USH2A: variants seen among roughly 807,000 people sequenced by gnomAD.
USH2A encodes Usher syndrome 2A (autosomal recessive, mild).
Under a neutral mutation model 538.9 loss-of-function variants are expected in USH2A, and 443 were observed. That is an observed-to-expected ratio of 0.82 (90% confidence interval 0.76 to 0.89). USH2A has a LOEUF of 0.89. Among genes scored for constraint, USH2A ranks in the 40% least tolerant of loss-of-function variants. The probability of loss-of-function intolerance (pLI) is 0.00; values close to 1 mark genes in which losing one functional copy is unlikely to be tolerated. For synonymous variants in USH2A, 2,413 were observed against 2,273.5 expected, an observed-to-expected ratio of 1.06 and a Z score of -1.75; for missense variants, 6,633 against 6,324.8, an observed-to-expected ratio of 1.05 and a Z score of -1.65.
At chr1:216,332,716 A>G (rs1435772487) in intron 4 of USH2A, among the ~76,000 whole-genome samples, 2 of 152,122 alleles carry the variant, frequency 1.3e-5, no homozygotes, top group Non-Finnish European at 2.9e-5. Context: ...TCATTGCCTG[A>G]CTACTAAGAT....
At chr1:215,665,060 G>A (rs1360285555) in intron 64 of USH2A, among the ~76,000 whole-genome samples, 1 of 152,166 alleles carries the variant, frequency 6.6e-6, no homozygotes, top group African/African-American at 2.4e-5. Context: ...CTAACTCATC[G>A]CCAACGATTT....
At chr1:216,061,891 T>A (rs12126435) in intron 30 of USH2A, among the ~76,000 whole-genome samples, 3 of 151,960 alleles carry the variant, frequency 2.0e-5, no homozygotes, top group Non-Finnish European at 2.9e-5. Context: ...AAGCTGAAAC[T>A]GTAGGGTGGC....
intron 11 of USH2A, among the ~76,000 whole-genome samples, chr1:216,265,585 A>G (rs1277556718): frequency 6.6e-6 from 1 of 151,968 alleles, no homozygotes; most frequent in Non-Finnish European, 1.5e-5. Context: ...TAGCTAAGAT[A>G]TAGAATCAAC....
At position 215,684,903 on chromosome 1, in the gene USH2A, G is replaced by A. The variant is rs533144324; in HGVS notation, c.12067-4527C>T. Among the ~76,000 whole-genome samples, 16 of 150,846 alleles carry A rather than the reference G, an allele frequency of 1.1e-4. 1 individual carries two copies. The highest frequency in any genetic ancestry group is 3.1e-4 in the African/African-American group (13 of 41,436). On this transcript the variant is annotated intron_variant, in intron 61 of 71. Coordinates refer to ENST00000307340, the MANE Select transcript of USH2A (RefSeq NM_206933.4). ...TCACATCAAAAATTCACCTTTTTGT[G>A]CAAAGAGAACTTCAGAAGAATCTAG...
At chr1:216,101,805 G>C (rs1461169061) in intron 21 of USH2A, among the ~76,000 whole-genome samples, 1 of 152,086 alleles carries the variant, frequency 6.6e-6, no homozygotes, top group Non-Finnish European at 1.5e-5. Flanking sequence ...CATTCATTCA[G>C]GAAATATTTA....
intron 4 of USH2A, among the ~76,000 whole-genome samples, chr1:216,343,541 A>AT (rs1463943601): frequency 6.6e-6 from 1 of 151,058 alleles, no homozygotes; most frequent in Non-Finnish European, 1.5e-5. Flanking sequence ...AAAAAAAAAA[A>AT]GACAGTATTT....
At chr1:215,810,170 A>G (rs780995448) in intron 49 of USH2A, among the ~76,000 whole-genome samples, 2 of 152,184 alleles carry the variant, frequency 1.3e-5, no homozygotes, top group Non-Finnish European at 2.9e-5. Context: ...ATGGTTTGGT[A>G]GATATTAAAA....
At chr1:216,176,111 G>A (rs1558299042) in intron 20 of USH2A, among the ~76,000 whole-genome samples, 1 of 152,174 alleles carries the variant, frequency 6.6e-6, no homozygotes, top group Non-Finnish European at 1.5e-5. Context: ...AAAACTTTGT[G>A]CTTGTGTAAA....
chr1:216,293,918 A>G (rs1228331936), intron 9 of USH2A, among the ~76,000 whole-genome samples: 1 of 152,206 alleles, frequency 6.6e-6, no homozygotes, highest in Non-Finnish European at 1.5e-5. Context: ...ACTCACAGTA[A>G]TATTCAATGT....
intron 30 of USH2A, among the ~76,000 whole-genome samples, chr1:216,057,228 T>C (rs2102534340): frequency 6.6e-6 from 1 of 152,274 alleles, no homozygotes; most frequent in Non-Finnish European, 1.5e-5. Flanking sequence ...GACAAAGCTA[T>C]TAACTCATCA....
chr1:215,731,078 A>G (rs1322267210), intron 60 of USH2A, among the ~76,000 whole-genome samples: 1 of 152,222 alleles, frequency 6.6e-6, no homozygotes, highest in African/African-American at 2.4e-5. Context: ...TGACAATTCA[A>G]TTAATTTTTA....
chr1:215,630,464 GTA>G (rs1476055719), intron 70 of USH2A, among the ~76,000 whole-genome samples: 2 of 95,074 alleles, frequency 2.1e-5, no homozygotes, highest in South Asian at 4.1e-4. Flanking sequence ...GAATATATAT[GTA>G]TGTGTATGTG....
At chr1:216,113,571 C>T (rs979232041) in intron 21 of USH2A, among the ~76,000 whole-genome samples, 5 of 152,070 alleles carry the variant, frequency 3.3e-5, no homozygotes, top group African/African-American at 4.8e-5. Flanking sequence ...GAACTTTCAT[C>T]GTAGTTCTTC....
At chr1:215,860,428 G>C (rs561344587) in intron 44 of USH2A, among the ~76,000 whole-genome samples, 1 of 151,926 alleles carries the variant, frequency 6.6e-6, no homozygotes, top group African/African-American at 2.4e-5. Flanking sequence ...AAAAACAAAA[G>C]AAAAAAAGTA....
At position 216,219,591 on chromosome 1, in the gene USH2A, C is replaced by T. The variant is rs530383119; in HGVS notation, c.2994-2041G>A. On this transcript the variant is annotated intron_variant, in intron 14 of 71. Coordinates refer to ENST00000307340, the MANE Select transcript of USH2A (RefSeq NM_206933.4). ...AAATTATACATAATAAAGGAAAAGA[C>T]ATTTTAAGCTTAGAAAGAGAAACAC... Among the ~76,000 whole-genome samples, 4 of 152,140 alleles carry T rather than the reference C, an allele frequency of 2.6e-5. 1 individual carries two copies. In the South Asian group the frequency reaches 6.2e-4, roughly 24 times the overall value.
Position 215,790,249 on chromosome 1 carries a change from A to C in USH2A, c.9992T>G (p.Met3331Arg). The C allele has an allele frequency of 6.2e-7, 1 of 1,614,094 alleles. No homozygotes were observed. The highest frequency in any genetic ancestry group is 8.5e-7 in the Non-Finnish European group (1 of 1,180,004). ...AGCTGAGCAGCATATGGTATCTGAC[A>C]TATTCACATAATCCTGCCCACAACA... is the stretch of plus-strand genomic sequence containing the variant. The part of the protein sequence containing the change: ...MFCCGQDYVN[M>R]SDTICCSASS... The change falls in exon 51 of 72, where the codon ATG (methionine) becomes AGG (arginine). Residue 3331 changes from methionine (M) to arginine (R), a missense_variant. By Grantham distance (91) the Met-to-Arg change is moderately conservative. Coordinates refer to ENST00000307340, the MANE Select transcript of USH2A (RefSeq NM_206933.4).
At chr1:216,113,031 C>T (rs929533424) in intron 21 of USH2A, among the ~76,000 whole-genome samples, 1 of 150,872 alleles carries the variant, frequency 6.6e-6, no homozygotes, top group African/African-American at 2.4e-5. Context: ...TGTTTTCTTT[C>T]GTCTTTTGAA....
At chr1:215,630,483 T>TAC (rs1656236265) in intron 70 of USH2A, among the ~76,000 whole-genome samples, 2 of 9,168 alleles carry the variant, frequency 2.2e-4, no homozygotes, top group Non-Finnish European at 7.9e-4. Flanking sequence ...TGTGTGTGTG[T>TAC]ATATATATAT....
In USH2A at chr1:215,803,844, GA is replaced by G. The variant is rs529764125; in HGVS notation, c.9740-4720del. On this transcript the variant is annotated intron_variant, in intron 49 of 71. Transcript: ENST00000307340. The stretch of plus-strand genomic sequence containing the variant: ...CTGCCAAGTCAATCCTAAGCCAAAA[GA>G]AAAAAGCTGGAGGCATCACGCTACC... 4.7e-3 allele frequency among the ~76,000 whole-genome samples: 713 copies of G among 152,164 alleles called. 5 individuals are homozygous for G. The highest frequency in any genetic ancestry group is 0.016 in the African/African-American group (684 of 41,516).
Sources: gnomAD v4.1 joint callset for allele counts (sites outside exome capture counted in the v4.1 genomes callset) on GRCh38, gnomAD v4.1.1 for gene constraint, MANE v1.5 for transcripts, NCBI Gene and HGNC (gene_info 2026-07-23, HGNC 2026-07-21) for gene names.